Variants in MED13L observed in about 807,000 individuals in gnomAD.
MED13L encodes mediator complex subunit 13L.
A neutral mutation model predicts 220.9 loss-of-function variants in MED13L; 7 were observed. That is an observed-to-expected ratio of 0.03 (90% CI 0.02 to 0.06). MED13L has a LOEUF of 0.06. MED13L is among the 10% of genes least tolerant of loss of function. The pLI is 1.00. For synonymous variants in MED13L, 1,011 were observed against 1,015.2 expected (o/e 1.00, Z 0.08); for missense variants, 1,965 against 2,760.5 (o/e 0.71, Z 6.46).
At chr12:116,264,619 T>G (rs1446966687) in intron 1 of MED13L, among the ~76,000 whole-genome samples, 2 of 152,166 alleles carry the variant, frequency 1.3e-5, no homozygotes, top group African/African-American at 4.8e-5. Flanking sequence ...CTAAGAGGTG[T>G]CTTCATCTTT....
chr12:116,154,431 T>C (rs12306823), intron 2 of MED13L, among the ~76,000 whole-genome samples: 3,991 of 152,216 alleles, frequency 0.026, 168 homozygotes, highest in African/African-American at 0.091. Flanking sequence ...AATAAATAAT[T>C]AGGTTATTTC....
chr12:116,277,494 C>T lies in MED13L; in HGVS notation c.-363G>A, dbSNP rs1482908870. 6.7e-6 allele frequency among the ~76,000 whole-genome samples: 1 copy of T among 148,524 alleles called. No individual in the cohort carries two copies. Among genetic ancestry groups the T allele is most frequent in the Non-Finnish European group, 1.5e-5 (1 of 66,626 alleles). On this transcript the variant is annotated 5_prime_UTR_variant, in exon 1 of 31. Coordinates refer to ENST00000281928, the MANE Select transcript of MED13L (RefSeq NM_015335.5). ...CCGCCGGCGCGCGAGGGGAGGCGAG[C>T]CCCGGAGCCGCCGCCGCCGCCTCGG...
At chr12:116,134,408 A>G (rs1045398474) in intron 2 of MED13L, among the ~76,000 whole-genome samples, 2 of 152,152 alleles carry the variant, frequency 1.3e-5, no homozygotes, top group Non-Finnish European at 2.9e-5. Context: ...TTAATAAGAA[A>G]ATTTTTATGA....
chr12:116,164,758 A>G (rs1335630947), intron 2 of MED13L, among the ~76,000 whole-genome samples: 1 of 152,244 alleles, frequency 6.6e-6, no homozygotes, highest in African/African-American at 2.4e-5. Context: ...AGTTACAAAG[A>G]AAGCACCAAG....
chr12:116,200,214 C>CT (rs898714564), intron 2 of MED13L, among the ~76,000 whole-genome samples: 5 of 151,666 alleles, frequency 3.3e-5, no homozygotes, highest in African/African-American at 7.3e-5. Context: ...AATCCCCTGC[C>CT]TTTTTTTTAA....
chr12:116,109,690 T>G (rs1288485320), intron 3 of MED13L, among the ~76,000 whole-genome samples: 1 of 152,202 alleles, frequency 6.6e-6, no homozygotes, highest in Non-Finnish European at 1.5e-5. Context: ...CACATTTTCT[T>G]GGATAGAGTT....
chr12:115,965,837 C>T (rs1288191318), intron 29 of MED13L, among the ~76,000 whole-genome samples: 1 of 152,164 alleles, frequency 6.6e-6, no homozygotes, highest in Non-Finnish European at 1.5e-5. Flanking sequence ...GATTTACCCT[C>T]TGGGCCCCAC....
At chr12:116,103,905 T>C (rs1381458189) in intron 3 of MED13L, among the ~76,000 whole-genome samples, 2 of 151,420 alleles carry the variant, frequency 1.3e-5, no homozygotes, top group Non-Finnish European at 2.9e-5. Context: ...CAATGTTACA[T>C]CACGATTTCT....
chr12:116,222,899 G>A, intron 2 of MED13L, among the ~76,000 whole-genome samples: 1 of 152,172 alleles, frequency 6.6e-6, no homozygotes, highest in African/African-American at 2.4e-5. Flanking sequence ...CATTGAAAAT[G>A]TTTGCCTAAA....
At chr12:116,229,251 C>T (rs996901298) in intron 2 of MED13L, among the ~76,000 whole-genome samples, 1 of 152,172 alleles carries the variant, frequency 6.6e-6, no homozygotes, top group Admixed American at 6.5e-5. Context: ...TTTTAAAAAA[C>T]AATATACCAA....
In MED13L at chr12:115,991,991, C is replaced by A; in HGVS notation, c.2997-34G>T. On this transcript the variant is annotated intron_variant, in intron 16 of 30. Transcript: ENST00000281928. This position sits in a 1 kb window ranked among gnomAD's most constrained non-coding sequence, Gnocchi z 7.7. ...AGAGAAGGCACCAAGTGAGGAAGGGCAGCATGTCACAGATGCTGAACTAGA... is the reference window on the plus strand; with the variant it reads ...AGAGAAGGCACCAAGTGAGGAAGGGAAGCATGTCACAGATGCTGAACTAGA... 6.5e-7 allele frequency: 1 copy of A among 1,546,350 alleles called. No individual in the cohort carries two copies. The highest frequency in any genetic ancestry group is 8.8e-7 in the Non-Finnish European group (1 of 1,136,878).
chr12:116,118,325 T>C (rs967587043), intron 2 of MED13L, among the ~76,000 whole-genome samples: 4 of 151,954 alleles, frequency 2.6e-5, no homozygotes, highest in Non-Finnish European at 5.9e-5. Flanking sequence ...TAGAAAACAA[T>C]AGAAAATTAT....
At position 116,151,850 on chromosome 12, in the gene MED13L, C is replaced by T. The variant is rs1357486608; in HGVS notation, c.311-40338G>A. 3.3e-5 allele frequency among the ~76,000 whole-genome samples: 5 copies of T among 152,228 alleles called. 1 individual carries two copies. In the East Asian group the frequency reaches 7.7e-4, roughly 23 times the overall value. On this transcript the variant is annotated intron_variant, in intron 2 of 30. Transcript: ENST00000281928. ...TAAATCTAAGGACATTCAGAGACATCGACACTCAACTTCTACTCCCTATCC... is the reference window on the plus strand; with the variant it reads ...TAAATCTAAGGACATTCAGAGACATTGACACTCAACTTCTACTCCCTATCC...
At chr12:116,241,425 A>T (rs1451442523) in intron 1 of MED13L, among the ~76,000 whole-genome samples, 1 of 152,184 alleles carries the variant, frequency 6.6e-6, no homozygotes, top group Non-Finnish European at 1.5e-5. Context: ...TAGAAAATTA[A>T]TATCAGAGCT....
At chr12:115,990,420 C>A (rs915333193) in intron 17 of MED13L, among the ~76,000 whole-genome samples, 5 of 152,126 alleles carry the variant, frequency 3.3e-5, no homozygotes, top group Non-Finnish European at 7.3e-5. Flanking sequence ...CATTTTATCC[C>A]CCATGATGCA....
intron 2 of MED13L, among the ~76,000 whole-genome samples, chr12:116,188,956 C>T (rs543158504): frequency 6.6e-6 from 1 of 152,252 alleles, no homozygotes; most frequent in South Asian, 2.1e-4. Flanking sequence ...TTTAACCTTT[C>T]ATCTGCTGAA....
chr12:116,089,578 T>C (rs550852862), intron 4 of MED13L, among the ~76,000 whole-genome samples: 1 of 152,292 alleles, frequency 6.6e-6, no homozygotes, highest in South Asian at 2.1e-4. Flanking sequence ...AGTCTTAAAT[T>C]TTTAAGCCAC....
intron 25 of MED13L, among the ~76,000 whole-genome samples, chr12:115,974,002 T>C (rs1201306799): frequency 1.3e-5 from 2 of 152,180 alleles, no homozygotes; most frequent in African/African-American, 2.4e-5. Context: ...CCAGTGATTT[T>C]TGTTTAGGGA....
At chr12:116,143,203 G>C (rs1877222008) in intron 2 of MED13L, among the ~76,000 whole-genome samples, 1 of 151,776 alleles carries the variant, frequency 6.6e-6, no homozygotes, top group African/African-American at 2.4e-5. Context: ...AGGACCTCAA[G>C]AAATTTTCAA....
Sources: allele counts gnomAD v4.1 joint callset (sites outside exome capture counted in the v4.1 genomes callset), GRCh38; gene constraint gnomAD v4.1.1; non-coding constraint Gnocchi (gnomAD v3.1); transcripts MANE v1.5; gene names NCBI Gene and HGNC (gene_info 2026-07-23, HGNC 2026-07-21).